Variants in SNTG1 observed in about 807,000 individuals in gnomAD.
The protein encoded by SNTG1 is syntrophin gamma 1, also known as gamma-1-syntrophin.
In SNTG1, 39 loss-of-function variants were observed where a neutral mutation model predicts 74.7. The ratio of observed to expected loss-of-function variants is 0.52; its 90% CI spans 0.40 to 0.68. The LOEUF (loss-of-function observed/expected upper bound fraction) is 0.68. SNTG1 is among the 30% of genes least tolerant of loss of function. The pLI, the probability that SNTG1 is intolerant of heterozygous loss-of-function variation, is 0.00. For missense variants in SNTG1, 685 were observed against 609.5 expected, an observed-to-expected ratio of 1.12 and a Z score of -1.30; for synonymous variants, 254 against 217.1, an observed-to-expected ratio of 1.17 and a Z score of -1.49.
intron 12 of SNTG1, among the ~76,000 whole-genome samples, chr8:50,571,875 C>T (rs1211835256): frequency 2.0e-5 from 3 of 152,092 alleles, no homozygotes; most frequent in African/African-American, 7.2e-5. Context: ...GCAGTTGCTC[C>T]ACTGAACATG....
rs139340221 is a variant in SNTG1 at position 50,343,704 on chromosome 8, T to A, written c.-27-50508T>A. Among the ~76,000 whole-genome samples the A allele has an allele frequency of 2.6e-3, 390 of 152,322 alleles. 1 individual carries two copies. Among genetic ancestry groups the A allele is most frequent in the African/African-American group, 8.8e-3 (364 of 41,584 alleles). On this transcript the variant is annotated intron_variant, in intron 2 of 18. Coordinates refer to ENST00000642720, the MANE Select transcript of SNTG1 (RefSeq NM_018967.5). The stretch of plus-strand genomic sequence containing the variant: ...AAATTACATTAATCATTGATTAAAT[T>A]ACATTTATGATTCTTACGTGATCAC...
intron 4 of SNTG1, among the ~76,000 whole-genome samples, chr8:50,436,977 A>G (rs1241517460): frequency 6.6e-6 from 1 of 152,138 alleles, no homozygotes; most frequent in Non-Finnish European, 1.5e-5. Flanking sequence ...CTGAAAAATA[A>G]AAACAGACTT....
At chr8:49,967,373 T>C (rs1195440967) in intron 1 of SNTG1, among the ~76,000 whole-genome samples, 1 of 152,200 alleles carries the variant, frequency 6.6e-6, no homozygotes, top group Admixed American at 6.5e-5. Flanking sequence ...TTCATCTTGT[T>C]TTATCTATTA....
At chr8:50,370,854 T>C (rs1256670363) in intron 2 of SNTG1, among the ~76,000 whole-genome samples, 6 of 152,098 alleles carry the variant, frequency 3.9e-5, no homozygotes, top group Non-Finnish European at 5.9e-5. Context: ...TATATGTGAA[T>C]GGATACTAAG....
At chr8:50,150,685 A>C (rs1019259792) in intron 1 of SNTG1, among the ~76,000 whole-genome samples, 18 of 152,064 alleles carry the variant, frequency 1.2e-4, no homozygotes, top group Non-Finnish European at 2.4e-4. Context: ...TGTTTATATG[A>C]TGGATTACAT....
At chr8:50,566,137 T>C (rs927256480) in intron 12 of SNTG1, among the ~76,000 whole-genome samples, 11 of 151,968 alleles carry the variant, frequency 7.2e-5, no homozygotes, top group Admixed American at 5.3e-4. Flanking sequence ...ATGGTAATCA[T>C]AGAAAAATTT....
chr8:50,402,089 A>C (rs2092813110), intron 3 of SNTG1, 121 bp from the exon 4 acceptor site: 1 of 941,474 alleles, frequency 1.1e-6, no homozygotes, highest in Non-Finnish European at 1.5e-6. Context: ...GGCTCATCAG[A>C]GTGTGTTTTC....
chr8:50,748,876 C>G (rs1358902456), intron 17 of SNTG1, among the ~76,000 whole-genome samples: 3 of 152,002 alleles, frequency 2.0e-5, no homozygotes, highest in African/African-American at 7.2e-5. Flanking sequence ...TCTCCCTGTA[C>G]TTAGGCCTCC....
chr8:50,025,644 A>G (rs1817202386), intron 1 of SNTG1, among the ~76,000 whole-genome samples: 1 of 152,182 alleles, frequency 6.6e-6, no homozygotes, highest in Non-Finnish European at 1.5e-5. Flanking sequence ...TTTCGATGGC[A>G]ATTCAAGATT....
chr8:50,211,629 T>A (rs2084525179), intron 2 of SNTG1, among the ~76,000 whole-genome samples: 1 of 152,146 alleles, frequency 6.6e-6, no homozygotes, highest in Non-Finnish European at 1.5e-5. Flanking sequence ...ATTAAAACAA[T>A]TCTAAGAGAA....
At chr8:50,675,286 T>A (rs1350968942) in intron 15 of SNTG1, among the ~76,000 whole-genome samples, 1 of 151,972 alleles carries the variant, frequency 6.6e-6, no homozygotes, top group Non-Finnish European at 1.5e-5. Context: ...TATTATTATG[T>A]GGCAGTCTAA....
intron 1 of SNTG1, among the ~76,000 whole-genome samples, chr8:50,160,985 G>A (rs1286793669): frequency 6.6e-6 from 1 of 152,172 alleles, no homozygotes; most frequent in Non-Finnish European, 1.5e-5. Context: ...GCTGCAAAGA[G>A]AGGATTTCAT....
intron 2 of SNTG1, among the ~76,000 whole-genome samples, chr8:50,318,651 A>G (rs963262910): frequency 1.1e-4 from 16 of 152,178 alleles, no homozygotes; most frequent in African/African-American, 3.4e-4. Context: ...TTCCTTAAGT[A>G]GATTTGAGAA....
chr8:50,182,552 A>T (rs1050091731), intron 2 of SNTG1, among the ~76,000 whole-genome samples: 10 of 152,154 alleles, frequency 6.6e-5, no homozygotes, highest in Admixed American at 3.3e-4. Context: ...ATATCCTAAT[A>T]TATTAGTTAT....
intron 1 of SNTG1, among the ~76,000 whole-genome samples, chr8:50,081,261 A>AT (rs913478162): frequency 1.7e-5 from 2 of 117,142 alleles, no homozygotes; most frequent in South Asian, 3.4e-4. Context: ...TTCTGCCATA[A>AT]TTTTTTTGTC....
At chr8:49,953,351 C>G (rs1251826650) in intron 1 of SNTG1, among the ~76,000 whole-genome samples, 1 of 152,136 alleles carries the variant, frequency 6.6e-6, no homozygotes, top group Non-Finnish European at 1.5e-5. Context: ...TGGGGGGAAA[C>G]AGAGGATAAA....
intron 2 of SNTG1, among the ~76,000 whole-genome samples, chr8:50,262,565 C>T (rs1005888474): frequency 6.6e-6 from 1 of 152,060 alleles, no homozygotes; most frequent in Admixed American, 6.5e-5. Flanking sequence ...CCCACCACCA[C>T]GCCCAGCTAA....
intron 2 of SNTG1, among the ~76,000 whole-genome samples, chr8:50,376,732 T>TAG (rs1180585885): frequency 6.0e-5 from 1 of 16,572 alleles, no homozygotes; most frequent in Non-Finnish European, 1.7e-4. Context: ...TAATAAATTA[T>TAG]ATATATATAT....
intron 11 of SNTG1, among the ~76,000 whole-genome samples, chr8:50,551,708 T>C (rs1585657850): frequency 6.6e-6 from 1 of 152,194 alleles, no homozygotes; most frequent in Admixed American, 6.6e-5. Flanking sequence ...AAACTAACTT[T>C]CTTTCAAAAA....
Sources: allele counts gnomAD v4.1 joint callset (sites outside exome capture counted in the v4.1 genomes callset), GRCh38; gene constraint gnomAD v4.1.1; transcripts MANE v1.5; gene names NCBI Gene and HGNC (gene_info 2026-07-23, HGNC 2026-07-21).